The following ULK2 variants were observed in gnomAD, a reference collection of about 807,000 sequenced individuals.
ULK2 encodes the protein unc-51 like autophagy activating kinase 2.
In ULK2, 76 loss-of-function variants were observed where a neutral mutation model predicts 127.5. That is an observed-to-expected ratio of 0.60 (90% CI 0.50 to 0.72). ULK2 has a LOEUF of 0.72. Among genes scored for constraint, ULK2 ranks in the 30% least tolerant of loss-of-function variants. The pLI, the probability that ULK2 is intolerant of heterozygous loss-of-function variation, is 0.00. For missense variants in ULK2, 1,144 were observed against 1,295.9 expected (o/e 0.88, Z 1.80); for synonymous variants, 452 against 461.9 (o/e 0.98, Z 0.28).
intron 25 of ULK2, 112 bp from the exon 26 acceptor site, chr17:19,777,828 A>C (rs2086840525): frequency 5.3e-6 from 7 of 1,320,758 alleles, no homozygotes; most frequent in Non-Finnish European, 7.1e-6. Context: ...CATTTTGGTA[A>C]AGTGATACAG....
At chr17:19,835,361 A>G (rs1300836923) in intron 10 of ULK2, among the ~76,000 whole-genome samples, 1 of 151,002 alleles carries the variant, frequency 6.6e-6, no homozygotes, top group Non-Finnish European at 1.5e-5. Flanking sequence ...CTTAACAGGC[A>G]TGAGCCACCA....
chr17:19,822,363 A>ATT (rs1372963226), intron 12 of ULK2, among the ~76,000 whole-genome samples: 4 of 151,008 alleles, frequency 2.6e-5, no homozygotes, highest in African/African-American at 9.8e-5. Flanking sequence ...TTTATTTTTT[A>ATT]TTTTATTTTT....
intron 13 of ULK2, among the ~76,000 whole-genome samples, chr17:19,814,440 T>TATATATACACACACATATATA (rs1567696572): frequency 1.4e-4 from 1 of 7,076 alleles, no homozygotes; most frequent in African/African-American, 3.8e-4. Flanking sequence ...ATATATATAT[T>TATATATACACACACATATATA]TTTTTTTTTT....
intron 13 of ULK2, among the ~76,000 whole-genome samples, chr17:19,814,469 C>T (rs1372161616): frequency 1.9e-3 from 12 of 6,284 alleles, no homozygotes; most frequent in Admixed American, 3.8e-3. Context: ...TTTTTGGAGA[C>T]AGGGTCTTGC....
At chr17:19,856,271 C>T (rs528690695) in intron 3 of ULK2, 1 of 152,304 alleles carries the variant, frequency 6.6e-6, no homozygotes, top group South Asian at 2.1e-4. Context: ...CAGTATATGG[C>T]ATGCTTATTT....
At chr17:19,780,656 A>G in intron 24 of ULK2, 27 bp from the exon 25 acceptor site, 1 of 1,580,076 alleles carries the variant, frequency 6.3e-7, no homozygotes, top group Non-Finnish European at 8.6e-7. Flanking sequence ...ATGGGAACTA[A>G]TTTTAATTTT....
chr17:19,799,378 G>T, intron 17 of ULK2, 117 bp downstream of exon 17: 1 of 843,508 alleles, frequency 1.2e-6, no homozygotes, highest in Non-Finnish European at 1.7e-6. Context: ...CTAAAAATCA[G>T]GATGGCAGAG....
At chr17:19,805,363 AT>A (rs968758448) in intron 14 of ULK2, among the ~76,000 whole-genome samples, 6 of 152,228 alleles carry the variant, frequency 3.9e-5, no homozygotes, top group African/African-American at 1.4e-4. Context: ...GGTTTCTTTA[AT>A]AGCCTCTTTC....
chr17:19,867,602 A>G lies in ULK2; in HGVS notation c.-185T>C, dbSNP rs1311249515. On this transcript the variant is annotated 5_prime_UTR_variant, in exon 1 of 27. Coordinates refer to ENST00000395544, the MANE Select transcript of ULK2 (RefSeq NM_014683.4). Reference sequence around the variant, plus strand: ...GGAAACTGGGGAAGCTGCCGCGCGGAGCCAGGGTCAGCGAGGCCCGGCCCG... The same window carrying G: ...GGAAACTGGGGAAGCTGCCGCGCGGGGCCAGGGTCAGCGAGGCCCGGCCCG... 1 of 299,562 alleles carries G rather than the reference A, an allele frequency of 3.3e-6. No homozygotes were observed. The highest frequency in any genetic ancestry group is 5.9e-6 in the Non-Finnish European group (1 of 168,442). The allele number at this position is 299,562 out of a possible 1,614,324, so 18.6% of individuals were successfully genotyped here.
At chr17:19,792,215 T>C (rs1768035365) in intron 20 of ULK2, among the ~76,000 whole-genome samples, 1 of 151,598 alleles carries the variant, frequency 6.6e-6, no homozygotes, top group South Asian at 2.1e-4. Flanking sequence ...AGAAAAGAAA[T>C]AATAAAAATC....
intron 3 of ULK2, among the ~76,000 whole-genome samples, chr17:19,861,597 T>A (rs959571570): frequency 6.6e-6 from 1 of 152,128 alleles, no homozygotes; most frequent in Non-Finnish European, 1.5e-5. Context: ...AAACCTACTC[T>A]GCAATTGCCA....
chr17:19,797,510 GGGCTGA>G lies in ULK2; in HGVS notation c.1689_1694del (p.Gln564_Pro565del). ...AAGTTCCAAGGCTGCCAGGCCGACT[GGGCTGA>G]GGCGAGTAGCTGTACCCAGCCCCAG... is the stretch of plus-strand genomic sequence containing the variant. On this transcript the variant is annotated inframe_deletion, in exon 18 of 27. Coordinates refer to ENST00000395544, the MANE Select transcript of ULK2 (RefSeq NM_014683.4). 1 of 1,613,968 alleles carries G rather than the reference GGGCTGA, an allele frequency of 6.2e-7. No homozygotes were observed. The highest frequency in any genetic ancestry group is 8.5e-7 in the Non-Finnish European group (1 of 1,180,020).
intron 10 of ULK2, among the ~76,000 whole-genome samples, chr17:19,829,549 G>GGGGGA (rs1567708390): frequency 8.0e-5 from 1 of 12,486 alleles, no homozygotes; most frequent in Non-Finnish European, 1.7e-4. Context: ...AAAAAAAAAA[G>GGGGGA]GGGGGGGGCT....
At chr17:19,791,069 C>A (rs1440518731) in intron 20 of ULK2, among the ~76,000 whole-genome samples, 6 of 152,206 alleles carry the variant, frequency 3.9e-5, no homozygotes, top group East Asian at 1.9e-4. Flanking sequence ...AACTTCAACG[C>A]TCCACTTTCA....
intron 20 of ULK2, among the ~76,000 whole-genome samples, chr17:19,792,143 A>T (rs2087169426): frequency 1.3e-5 from 2 of 152,106 alleles, no homozygotes; most frequent in Non-Finnish European, 1.5e-5. Flanking sequence ...TCTTCAAATA[A>T]TCTAACAATG....
At chr17:19,820,053 ATT>A (rs370116805) in intron 12 of ULK2, among the ~76,000 whole-genome samples, 21 of 19,288 alleles carry the variant, frequency 1.1e-3, no homozygotes, top group African/African-American at 1.6e-3. Context: ...AACTTTATTT[ATT>A]TTTTTTTTTT....
At chr17:19,815,310 G>C (rs1029624055) in intron 13 of ULK2, among the ~76,000 whole-genome samples, 1 of 151,982 alleles carries the variant, frequency 6.6e-6, no homozygotes, top group Non-Finnish European at 1.5e-5. Context: ...ACCCAGGCTG[G>C]AGTACAATGG....
chr17:19,797,567 G>C lies in ULK2; in HGVS notation c.1638C>G (p.His546Gln). The C allele has an allele frequency of 1.2e-6, 2 of 1,613,922 alleles. No homozygotes were observed. Among genetic ancestry groups the C allele is most frequent in the Non-Finnish European group, 1.7e-6 (2 of 1,180,012 alleles). ...TATGGGATGGGCACACGGGGTCAGAGTGCTGTTTTCTGAGCTTCTGCTTGT... is the reference window on the plus strand; with the variant it reads ...TATGGGATGGGCACACGGGGTCAGACTGCTGTTTTCTGAGCTTCTGCTTGT... ...YQNKQKLRKQ[H>Q]SDPVCPSHTG... The change falls in exon 18 of 27, where the codon CAC becomes CAG. Residue 546 changes from histidine to glutamine, a missense_variant. His to Gln is a conservative substitution (Grantham distance 24, BLOSUM62 0). Around this residue, in one of 2 missense-constraint regions of ULK2, gnomAD observed 913 missense variants for 970.5 expected, o/e 0.94. Coordinates refer to ENST00000395544, the MANE Select transcript of ULK2 (RefSeq NM_014683.4).
At chr17:19,827,787 G>A (rs2041331481) in intron 10 of ULK2, among the ~76,000 whole-genome samples, 1 of 152,034 alleles carries the variant, frequency 6.6e-6, no homozygotes, top group Non-Finnish European at 1.5e-5. Context: ...GCACATGCCT[G>A]TAATCCCAGC....
Sources: allele counts gnomAD v4.1 joint callset (sites outside exome capture counted in the v4.1 genomes callset), GRCh38; gene constraint gnomAD v4.1.1; regional missense constraint gnomAD v4.1.1; transcripts MANE v1.5; gene names NCBI Gene and HGNC (gene_info 2026-07-23, HGNC 2026-07-21).